The following MACO1 variants were observed in gnomAD, a reference collection of about 807,000 sequenced individuals.
MACO1 encodes the protein macoilin.
In MACO1, 14 loss-of-function variants were observed where a neutral mutation model predicts 78.7. The ratio of observed to expected loss-of-function variants is 0.18; its 90% confidence interval spans 0.12 to 0.28. The LOEUF (loss-of-function observed/expected upper bound fraction) is 0.28. MACO1 is among the 10% of genes least tolerant of loss of function. The pLI, the probability that MACO1 is intolerant of heterozygous loss-of-function variation, is 1.00. For synonymous variants in MACO1, 288 were observed against 291.6 expected, an observed-to-expected ratio of 0.99 and a Z score of 0.12; for missense variants, 501 against 799.0, an observed-to-expected ratio of 0.63 and a Z score of 4.50.
chr1:25,446,216 G>A (rs1384503053), intron 1 of MACO1, among the ~76,000 whole-genome samples: 1 of 152,142 alleles, frequency 6.6e-6, no homozygotes, highest in East Asian at 1.9e-4. Context: ...TCTATTTGGG[G>A]AAGTCATTTG....
At position 25,480,932 on chromosome 1, in the gene MACO1, ATATATATATATATATATATAT is replaced by A. The variant is rs2043370190; in HGVS notation, c.1155-3183_1155-3163del. ...CTTGGTTAAAAAAAAAAAAAAAAAT[ATATATATATATATATATATAT>A]ATATATATATATATATATATATTTC... On this transcript the variant is annotated intron_variant, in intron 6 of 10. Transcript: ENST00000374343. Among the ~76,000 whole-genome samples, 110 of 72,910 alleles carry A rather than the reference ATATATATATATATATATATAT, an allele frequency of 1.5e-3. 10 individuals are homozygous for A. Among genetic ancestry groups the A allele is most frequent in the African/African-American group, 4.6e-3 (59 of 12,730 alleles). 47.8% of individuals were successfully genotyped at this position (72,910 alleles called of 152,430 possible).
intron 6 of MACO1, among the ~76,000 whole-genome samples, chr1:25,461,574 TC>T (rs995540401): frequency 8.8e-5 from 13 of 147,696 alleles, no homozygotes; most frequent in Admixed American, 2.0e-4. Context: ...TTCTCTTCCT[TC>T]CCCCCCCTCA....
At chr1:25,458,080 A>G (rs1329655015) in intron 5 of MACO1, among the ~76,000 whole-genome samples, 2 of 152,206 alleles carry the variant, frequency 1.3e-5, no homozygotes, top group African/African-American at 4.8e-5. Flanking sequence ...TGACTAATAC[A>G]CAAAGTGTGA....
At chr1:25,448,252 CAG>C (rs986677552) in intron 2 of MACO1, among the ~76,000 whole-genome samples, 10 of 152,200 alleles carry the variant, frequency 6.6e-5, no homozygotes, top group African/African-American at 9.6e-5. Flanking sequence ...ATCACAAGGT[CAG>C]GGGATTGAGA....
At chr1:25,469,396 A>G (rs747735800) in intron 6 of MACO1, among the ~76,000 whole-genome samples, 93 of 152,176 alleles carry the variant, frequency 6.1e-4, no homozygotes, top group Non-Finnish European at 1.1e-3. Flanking sequence ...TTTCTAGCCC[A>G]CTTAAACCTT....
intron 6 of MACO1, among the ~76,000 whole-genome samples, chr1:25,466,461 G>GCAC (rs2043220189): frequency 6.6e-6 from 1 of 152,048 alleles, no homozygotes. Flanking sequence ...TTACAGACAT[G>GCAC]CACCACCATG....
intron 9 of MACO1, 145 bp downstream of exon 9, chr1:25,489,438 T>G: frequency 2.0e-6 from 2 of 976,648 alleles, no homozygotes; most frequent in South Asian, 1.9e-5. Context: ...ACAAAAAGAT[T>G]TGAAGTTCTA....
chr1:25,477,964 A>G (rs2124602788), intron 6 of MACO1, among the ~76,000 whole-genome samples: 1 of 152,330 alleles, frequency 6.6e-6, no homozygotes, highest in Non-Finnish European at 1.5e-5. Context: ...ACTGTGTTTC[A>G]GCTGGGCGTG....
chr1:25,489,029 C>A, intron 8 of MACO1, 144 bp from the exon 9 acceptor site: 1 of 913,918 alleles, frequency 1.1e-6, no homozygotes, highest in Non-Finnish European at 1.6e-6. Context: ...CCATGCTGGT[C>A]AGGTTGGTCT....
At chr1:25,439,475 CGT>C (rs71714344) in intron 1 of MACO1, among the ~76,000 whole-genome samples, 2,109 of 151,446 alleles carry the variant, frequency 0.014, 41 homozygotes, top group African/African-American at 0.047. Context: ...TGTACGCGCG[CGT>C]GTGTGTGTGT....
chr1:25,481,342 A>C (rs2043375849), intron 6 of MACO1, among the ~76,000 whole-genome samples: 1 of 152,136 alleles, frequency 6.6e-6, no homozygotes, highest in South Asian at 2.1e-4. Context: ...AGGCCTAGAA[A>C]TCCTAGCCCA....
At chr1:25,449,483 A>G (rs1030629655) in intron 3 of MACO1, among the ~76,000 whole-genome samples, 43 of 152,084 alleles carry the variant, frequency 2.8e-4, no homozygotes, top group African/African-American at 9.4e-4. Context: ...TCTTCCTTAA[A>G]TTTTGACCCA....
intron 2 of MACO1, among the ~76,000 whole-genome samples, chr1:25,448,466 A>C (rs1291888428): frequency 6.6e-6 from 1 of 152,172 alleles, no homozygotes; most frequent in Non-Finnish European, 1.5e-5. Context: ...TCCATCTCAA[A>C]AAAGAAAAAA....
chr1:25,499,304 T>C lies in MACO1; in HGVS notation c.*838T>C, dbSNP rs1487285112. On this transcript the variant is annotated 3_prime_UTR_variant, in exon 11 of 11. Coordinates refer to ENST00000374343, the MANE Select transcript of MACO1 (RefSeq NM_018202.6). ...CTGGGCTGTCCGTTACCACCACAGC[T>C]ACATCTTCTGTTTCTTTGAATAGAA... 1.3e-5 allele frequency: 2 copies of C among 152,240 alleles called. No homozygotes were observed. Among genetic ancestry groups the C allele is most frequent in the African/African-American group, 4.8e-5 (2 of 41,460 alleles). The allele number at this position is 152,240 out of a possible 1,614,324, so 9.4% of individuals were successfully genotyped here.
In MACO1 at chr1:25,498,729, A is replaced by G. The variant is rs982700983; in HGVS notation, c.*263A>G. ...ACATTAAAACCATTCTTGGATTTCA[A>G]GTAGCCAACTTTGCCTTTTATGTAT... On this transcript the variant is annotated 3_prime_UTR_variant, in exon 11 of 11. Coordinates refer to ENST00000374343, the MANE Select transcript of MACO1 (RefSeq NM_018202.6). 5.4e-6 allele frequency: 2 copies of G among 371,672 alleles called. No individual in the cohort carries two copies. Among genetic ancestry groups the G allele is most frequent in the African/African-American group, 2.1e-5 (1 of 48,084 alleles). The allele number at this position is 371,672 out of a possible 1,614,324, so 23.0% of individuals were successfully genotyped here.
Position 25,458,654 on chromosome 1 carries a change from A to G in MACO1, c.916A>G (p.Thr306Ala). Residue 306 changes from threonine to alanine, a missense_variant, in exon 6 of 11, where the codon ACA (threonine) becomes GCA (alanine). Physicochemically the swap from Thr to Ala is moderately conservative, Grantham distance 58 (BLOSUM62 0). Transcript: ENST00000374343. ...ATTAAATAATGATCTTGTGGGAAGT[A>G]CAGAAAATCTCTTGAAAGAGGACTC... ...KRLNNDLVGSTENLLKEDSCT... is the reference protein window; with the variant it reads ...KRLNNDLVGSAENLLKEDSCT... The G allele has an allele frequency of 6.2e-7, 1 of 1,614,174 alleles. No individual in the cohort carries two copies.
At chr1:25,456,926 G>GT (rs927936306) in intron 5 of MACO1, 95 bp downstream of exon 5, 5 of 1,312,656 alleles carry the variant, frequency 3.8e-6, no homozygotes, top group Non-Finnish European at 4.1e-6. Flanking sequence ...CTAGGATTTT[G>GT]TTTTTTTCTG....
intron 6 of MACO1, among the ~76,000 whole-genome samples, chr1:25,480,974 A>ATATATATG (rs2043372052): frequency 8.6e-6 from 1 of 116,544 alleles, no homozygotes; most frequent in Non-Finnish European, 1.8e-5. Context: ...ATATATATAT[A>ATATATATG]TTTCATGTTC....
At chr1:25,461,784 T>C (rs916603036) in intron 6 of MACO1, among the ~76,000 whole-genome samples, 3 of 152,208 alleles carry the variant, frequency 2.0e-5, no homozygotes, top group Non-Finnish European at 2.9e-5. Flanking sequence ...CTAATATACA[T>C]AGAAAAATGA....
Sources: gnomAD v4.1 joint callset for allele counts (sites outside exome capture counted in the v4.1 genomes callset) on GRCh38, gnomAD v4.1.1 for gene constraint, MANE v1.5 for transcripts, NCBI Gene and HGNC (gene_info 2026-07-23, HGNC 2026-07-21) for gene names.